MYO1E: variants seen among roughly 807,000 people sequenced by gnomAD.
The protein encoded by MYO1E is myosin IE.
In MYO1E, 68 loss-of-function variants were observed where a neutral mutation model predicts 151.1. The observed-to-expected ratio is 0.45, with a 90% CI of 0.37 to 0.55. MYO1E has a LOEUF of 0.55. MYO1E is among the 20% of genes least tolerant of loss of function. The pLI, the probability that MYO1E is intolerant of heterozygous loss-of-function variation, is 0.00. For missense variants in MYO1E, 1,363 were observed against 1,389.3 expected, an observed-to-expected ratio of 0.98 and a Z score of 0.30; for synonymous variants, 601 against 501.7, an observed-to-expected ratio of 1.20 and a Z score of -2.64.
At chr15:59,254,912 G>A (rs1253166269) in intron 4 of MYO1E, among the ~76,000 whole-genome samples, 2 of 151,524 alleles carry the variant, frequency 1.3e-5, no homozygotes, top group Non-Finnish European at 2.9e-5. Context: ...TGCAGCTTCC[G>A]CCTCCTGGGT....
chr15:59,326,535 T>C (rs951711541), intron 1 of MYO1E, among the ~76,000 whole-genome samples: 7 of 152,160 alleles, frequency 4.6e-5, no homozygotes, highest in Non-Finnish European at 8.8e-5. Flanking sequence ...AAAAGGATTA[T>C]TTGGGTGGTC....
At chr15:59,294,368 A>C (rs1003980739) in intron 1 of MYO1E, among the ~76,000 whole-genome samples, 7 of 152,198 alleles carry the variant, frequency 4.6e-5, no homozygotes, top group African/African-American at 1.7e-4. Context: ...AATTTTTGAT[A>C]AATCACCTCT....
At chr15:59,265,894 G>T (rs1478760189) in intron 2 of MYO1E, among the ~76,000 whole-genome samples, 1 of 151,572 alleles carries the variant, frequency 6.6e-6, no homozygotes, top group Non-Finnish European at 1.5e-5. Context: ...TTAGGCCTGG[G>T]AAGGCAAGGC....
chr15:59,259,725 T>C (rs779870234), intron 3 of MYO1E, among the ~76,000 whole-genome samples: 5 of 152,240 alleles, frequency 3.3e-5, no homozygotes, highest in Non-Finnish European at 7.3e-5. Context: ...GACCTTTGCA[T>C]GTCACTCTAT....
chr15:59,218,817 A>C (rs1450554639), intron 9 of MYO1E, among the ~76,000 whole-genome samples: 11 of 152,238 alleles, frequency 7.2e-5, no homozygotes, highest in Non-Finnish European at 1.5e-4. Context: ...ATTTGTGCAG[A>C]TGCAGAGAGG....
chr15:59,334,458 ACG>A (rs1376044786), intron 1 of MYO1E, among the ~76,000 whole-genome samples: 2 of 139,394 alleles, frequency 1.4e-5, no homozygotes, highest in African/African-American at 5.3e-5. Flanking sequence ...CCTACTTTGT[ACG>A]CATATGTTGT....
At chr15:59,264,745 T>G (rs116345630) in intron 2 of MYO1E, among the ~76,000 whole-genome samples, 6,888 of 152,226 alleles carry the variant, frequency 0.045, 513 homozygotes, top group African/African-American at 0.16. Context: ...AACGAGCAGG[T>G]TGTGGTGGCT....
At chr15:59,183,225 T>C (rs1416060248) in intron 18 of MYO1E, among the ~76,000 whole-genome samples, 1 of 152,102 alleles carries the variant, frequency 6.6e-6, no homozygotes, top group South Asian at 2.1e-4. Flanking sequence ...GCATTGTTTA[T>C]GGAAGTCAGT....
intron 9 of MYO1E, among the ~76,000 whole-genome samples, chr15:59,220,010 T>C (rs998187969): frequency 2.0e-5 from 3 of 152,202 alleles, no homozygotes; most frequent in African/African-American, 7.2e-5. Flanking sequence ...ACTGGACCCA[T>C]GTCGGGTTGT....
At chr15:59,268,699 T>C (rs1278960474) in intron 2 of MYO1E, among the ~76,000 whole-genome samples, 3 of 142,372 alleles carry the variant, frequency 2.1e-5, no homozygotes, top group Non-Finnish European at 4.6e-5. Flanking sequence ...CCTTTGGTGA[T>C]GGGTTCTGGG....
intron 1 of MYO1E, among the ~76,000 whole-genome samples, chr15:59,338,891 G>A (rs2080746420): frequency 2.0e-5 from 3 of 152,176 alleles, no homozygotes; most frequent in Admixed American, 2.0e-4. Context: ...CAGCATTTTT[G>A]GAGGCCGAGG....
intron 1 of MYO1E, among the ~76,000 whole-genome samples, chr15:59,305,824 G>T (rs1188628508): frequency 1.3e-5 from 2 of 152,170 alleles, no homozygotes; most frequent in African/African-American, 4.8e-5. Context: ...TGACATAAGT[G>T]GAAGGGGTGT....
chr15:59,149,039 T>G (rs1445205266), intron 26 of MYO1E, among the ~76,000 whole-genome samples: 7 of 65,586 alleles, frequency 1.1e-4, no homozygotes, highest in Admixed American at 7.7e-4. Flanking sequence ...GGATGAACTG[T>G]TTTTTTTTTT....
intron 4 of MYO1E, among the ~76,000 whole-genome samples, chr15:59,254,904 C>A (rs1456549147): frequency 3.3e-5 from 5 of 151,978 alleles, no homozygotes; most frequent in Non-Finnish European, 5.9e-5. Context: ...TGGCTCACTG[C>A]AGCTTCCGCC....
chr15:59,243,859 T>C (rs2080114433), intron 4 of MYO1E, among the ~76,000 whole-genome samples: 1 of 151,986 alleles, frequency 6.6e-6, no homozygotes, highest in African/African-American at 2.4e-5. Context: ...AAGAAGGTCC[T>C]GGACAGTCTT....
chr15:59,205,357 A>G, intron 15 of MYO1E, 43 bp downstream of exon 15: 1 of 1,583,868 alleles, frequency 6.3e-7, no homozygotes, highest in South Asian at 1.1e-5. Flanking sequence ...TGAAAATTTC[A>G]TCAAACCTAT....
rs190531266 is a variant in MYO1E, at chr15:59,301,485, C to A, written c.4-29036G>T. Among the ~76,000 whole-genome samples, 4 of 152,314 alleles carry A rather than the reference C, an allele frequency of 2.6e-5. No homozygotes were observed. The South Asian group carries it at 8.3e-4, about 32-fold the overall frequency. ...TTTTGAGATGCCCTCATCCCCTCACCGACTCAACAGCCCTGCCTTAAGTGA... is the reference window on the plus strand; with the variant it reads ...TTTTGAGATGCCCTCATCCCCTCACAGACTCAACAGCCCTGCCTTAAGTGA... On this transcript the variant is annotated intron_variant, in intron 1 of 27. Transcript: ENST00000288235.
intron 1 of MYO1E, among the ~76,000 whole-genome samples, chr15:59,289,741 C>A (rs771651316): frequency 6.6e-6 from 1 of 152,202 alleles, no homozygotes; most frequent in Non-Finnish European, 1.5e-5. Flanking sequence ...GGTGTTCCTT[C>A]TGCCAGTAAC....
intron 1 of MYO1E, among the ~76,000 whole-genome samples, chr15:59,278,787 T>C (rs1245829171): frequency 3.3e-5 from 5 of 152,174 alleles, no homozygotes; most frequent in Admixed American, 6.5e-5. Context: ...TCCTAGATAA[T>C]TGGAACATTT....
Sources: allele counts gnomAD v4.1 joint callset (sites outside exome capture counted in the v4.1 genomes callset), GRCh38; gene constraint gnomAD v4.1.1; transcripts MANE v1.5; gene names NCBI Gene and HGNC (gene_info 2026-07-23, HGNC 2026-07-21).